Variants in HEATR5B observed in about 807,000 individuals in gnomAD.
HEATR5B encodes HEAT repeat containing 5B, also known as HEAT repeat-containing protein 5B.
HEATR5B carries 156 observed loss-of-function variants against 224.1 expected under a neutral mutation model. The ratio of observed to expected loss-of-function variants is 0.70; its 90% confidence interval spans 0.61 to 0.80. The LOEUF is 0.80. HEATR5B is among the 30% of genes least tolerant of loss of function. HEATR5B has a pLI of 0.00. For synonymous variants in HEATR5B, 1,027 were observed against 893.0 expected, an observed-to-expected ratio of 1.15 and a Z score of -2.68; for missense variants, 2,323 against 2,535.5, an observed-to-expected ratio of 0.92 and a Z score of 1.80.
chr2:37,003,773 T>TA (rs1667243606), intron 30 of HEATR5B, 87 bp from the exon 31 acceptor site: 5 of 903,842 alleles, frequency 5.5e-6, no homozygotes, highest in South Asian at 3.0e-5. Context: ...AATACCTATG[T>TA]AAAAAAAGAA....
intron 10 of HEATR5B, among the ~76,000 whole-genome samples, chr2:37,063,028 G>A (rs1210749252): frequency 6.6e-6 from 1 of 152,106 alleles, no homozygotes; most frequent in Non-Finnish European, 1.5e-5. Flanking sequence ...TCAAACTTCT[G>A]ACCTAAAGTG....
intron 18 of HEATR5B, among the ~76,000 whole-genome samples, chr2:37,042,478 T>C (rs1421578388): frequency 1.3e-5 from 2 of 152,162 alleles, no homozygotes; most frequent in Non-Finnish European, 2.9e-5. Context: ...AGAACAAATA[T>C]CAAATTTATG....
Position 37,060,660 on chromosome 2 carries a change from C to G in HEATR5B, c.1770G>C (p.Lys590Asn). Residue 590 changes from lysine (K) to asparagine (N), a missense_variant, in exon 12 of 36, where the codon AAG becomes AAC. By Grantham distance (94) the Lys-to-Asn change is moderately conservative. Transcript: ENST00000233099. ...LWRNVFPRSL[K>N]ELEAEKARGD... ...CTCGGGCCTTCTCAGCTTCCAATTC[C>G]TTTAAGGAACGTGGGAAAACATTTC... The G allele has an allele frequency of 1.2e-6, 2 of 1,613,994 alleles. No individual in the cohort carries two copies. Among genetic ancestry groups the G allele is most frequent in the Non-Finnish European group, 1.7e-6 (2 of 1,179,932 alleles).
In HEATR5B at chr2:37,049,626, A is replaced by C. The variant is rs371996050; in HGVS notation, c.2696+27T>G. 39 of 1,589,656 alleles carry C rather than the reference A, an allele frequency of 2.5e-5. No individual in the cohort carries two copies. In the African/African-American group the frequency reaches 5.0e-4, roughly 20 times the overall value. On this transcript the variant is annotated intron_variant, in intron 18 of 35. Transcript: ENST00000233099. ...AAAAGACATCTTTGCCTACACATGA[A>C]ACTTGTTAGTAAAGAAACCCACTTA...
At chr2:37,037,145 G>GAGATGGATATATAT in intron 21 of HEATR5B, among the ~76,000 whole-genome samples, 2,631 of 89,182 alleles carry the variant, frequency 0.03, 337 homozygotes, top group South Asian at 0.07. Flanking sequence ...CTAAAAATGT[G>GAGATGGATATATAT]ATATATATAT....
chr2:36,990,919 A>C, intron 33 of HEATR5B, 120 bp from the exon 34 acceptor site: 1 of 748,616 alleles, frequency 1.3e-6, no homozygotes, highest in Non-Finnish European at 2.0e-6. Context: ...TGAACTCCTG[A>C]GCTCAAGTGA....
In HEATR5B at chr2:36,995,087, G is replaced by GTTTTTTTTTTTTTTTT. The variant is rs775120824; in HGVS notation, c.5546-4304_5546-4289dup. On this transcript the variant is annotated intron_variant, in intron 33 of 35. Coordinates refer to ENST00000233099, the MANE Select transcript of HEATR5B (RefSeq NM_019024.3). Reference sequence around the variant, plus strand: ...CGATTTCTTCGTCTTGTTATTCCTTGTTTTTTTTTTTTTTTTTCCTGAGAT... The same window carrying GTTTTTTTTTTTTTTTT: ...CGATTTCTTCGTCTTGTTATTCCTTGTTTTTTTTTTTTTTTTTTTTTTTTTTTTTTTTTCCTGAGAT... Among the ~76,000 whole-genome samples, 8 of 104,132 alleles carry GTTTTTTTTTTTTTTTT rather than the reference G, an allele frequency of 7.7e-5. 2 individuals carry two copies. Among genetic ancestry groups the GTTTTTTTTTTTTTTTT allele is most frequent in the African/African-American group, 2.5e-4 (6 of 24,416 alleles). The allele number at this position is 104,132 out of a possible 152,430, so 68.3% of individuals were successfully genotyped here.
intron 5 of HEATR5B, among the ~76,000 whole-genome samples, chr2:37,074,687 A>G (rs1672120195): frequency 6.6e-6 from 1 of 152,146 alleles, no homozygotes; most frequent in Non-Finnish European, 1.5e-5. Flanking sequence ...CCTATAAAAC[A>G]CTCTCAAAAG....
chr2:36,988,803 G>A lies in HEATR5B; in HGVS notation c.5754C>T (p.Ala1918=). Residue 1918 remains alanine (A), a synonymous_variant, in exon 35 of 36, where the codon GCC becomes GCT. Transcript: ENST00000233099. ...LLSVFQHSNR[A]LSTPYIHSLA... ...ATGAATGAATATAAGGAGTTGAAAG[G>A]GCACGATTGGAATGCTGGAAGACTG... is the stretch of plus-strand genomic sequence containing the variant. 1 of 1,614,090 alleles carries A rather than the reference G, an allele frequency of 6.2e-7. No individual in the cohort carries two copies. Among genetic ancestry groups the A allele is most frequent in the Non-Finnish European group, 8.5e-7 (1 of 1,180,010 alleles).
intron 33 of HEATR5B, among the ~76,000 whole-genome samples, chr2:36,997,076 A>T (rs901371945): frequency 1.3e-5 from 2 of 152,156 alleles, no homozygotes; most frequent in Non-Finnish European, 2.9e-5. Flanking sequence ...AACTCTTTGT[A>T]TATTAATGAT....
Position 37,013,884 on chromosome 2 carries a change from G to A in HEATR5B, c.4241C>T (p.Ala1414Val). ...AACAGCCAGTTTTTCCATGGTCGTG[G>A]CACTCTCTCGGTACAGCTGGCTGGA... ...GSSSQLYRES[A>V]TTMEKLAVLK... is the part of the protein sequence containing the mutation. The change falls in exon 27 of 36, where the codon GCC becomes GTC. Residue 1414 changes from alanine to valine, a missense_variant. Around this residue, in one of 12 missense-constraint regions of HEATR5B, gnomAD observed 844 missense variants for 812.9 expected, o/e 1.04. Transcript: ENST00000233099. 3 of 1,609,642 alleles carry A rather than the reference G, an allele frequency of 1.9e-6. No homozygotes were observed. Among genetic ancestry groups the A allele is most frequent in the Non-Finnish European group, 2.5e-6 (3 of 1,177,958 alleles).
Position 37,057,482 on chromosome 2 carries a change from TA to T in HEATR5B, c.2060-3del, listed in dbSNP as rs750304026. ...CTCTAAGAAGTGCATTAAAAGATCC[TA>T]AAAAACAGAACTTCAGATCAGATTA... On this transcript the variant is annotated splice_region_variant and splice_polypyrimidine_tract_variant and intron_variant, in intron 14 of 35. Transcript: ENST00000233099. 95 of 1,594,930 alleles carry T rather than the reference TA, an allele frequency of 6.0e-5. No individual in the cohort carries two copies. In the African/African-American group the frequency reaches 1.2e-3, roughly 20 times the overall value.
At chr2:37,065,047 C>T in intron 9 of HEATR5B, 57 bp from the exon 10 acceptor site, 2 of 1,515,458 alleles carry the variant, frequency 1.3e-6, no homozygotes, top group South Asian at 1.2e-5. Context: ...ATTTCAGAAA[C>T]TCAAATACTA....
chr2:36,981,748 C>T lies in HEATR5B; in HGVS notation c.5958G>A (p.Leu1986=), dbSNP rs759698552. ...ALLVPTLISY[L]LDENSFASAS... ...CTGAGGCAAAAGAATTTTCATCCAG[C>T]AGGTAAGATATCAAAGTGGGAACTA... The change falls in exon 36 of 36, where the codon CTG becomes CTA. Residue 1986 remains leucine, a synonymous_variant. Coordinates refer to ENST00000233099, the MANE Select transcript of HEATR5B (RefSeq NM_019024.3). 1 of 1,613,676 alleles carries T rather than the reference C, an allele frequency of 6.2e-7. No individual in the cohort carries two copies. The highest frequency in any genetic ancestry group is 1.1e-5 in the South Asian group (1 of 90,996).
chr2:37,034,117 C>G (rs1417868425), intron 21 of HEATR5B, among the ~76,000 whole-genome samples: 1 of 151,626 alleles, frequency 6.6e-6, no homozygotes, highest in Non-Finnish European at 1.5e-5. Flanking sequence ...ATTCATAGTC[C>G]TGCCTCAGCC....
At chr2:37,076,847 T>C (rs1011733011) in intron 4 of HEATR5B, 64 bp downstream of exon 4, 1 of 1,224,272 alleles carries the variant, frequency 8.2e-7, no homozygotes, top group Non-Finnish European at 1.2e-6. Flanking sequence ...AACAAACATA[T>C]TTTAGCTGAC....
chr2:36,987,880 T>C (rs1666050529), intron 35 of HEATR5B, among the ~76,000 whole-genome samples: 1 of 152,084 alleles, frequency 6.6e-6, no homozygotes, highest in Non-Finnish European at 1.5e-5. Context: ...GAGACCAACC[T>C]GGGCAACATG....
chr2:37,044,378 T>C (rs1366252420), intron 18 of HEATR5B, among the ~76,000 whole-genome samples: 1 of 152,240 alleles, frequency 6.6e-6, no homozygotes, highest in African/African-American at 2.4e-5. Flanking sequence ...TACCTAGTCT[T>C]TGGGGTCTGG....
chr2:37,002,010 A>G (rs1174164114), intron 32 of HEATR5B, among the ~76,000 whole-genome samples: 1 of 152,182 alleles, frequency 6.6e-6, no homozygotes, highest in Non-Finnish European at 1.5e-5. Flanking sequence ...CAGACTGGAA[A>G]ACAGAGTTTA....
Sources: gnomAD v4.1 joint callset for allele counts (sites outside exome capture counted in the v4.1 genomes callset) on GRCh38, gnomAD v4.1.1 for gene constraint, gnomAD v4.1.1 regional missense constraint, MANE v1.5 for transcripts, NCBI Gene and HGNC (gene_info 2026-07-23, HGNC 2026-07-21) for gene names.